The following HNF4G variants were observed in gnomAD, a reference collection of about 807,000 sequenced individuals.
HNF4G encodes hepatocyte nuclear factor 4 gamma.
Under a neutral mutation model 50.9 loss-of-function variants are expected in HNF4G, and 21 were observed. The ratio of observed to expected loss-of-function variants is 0.41; its 90% CI spans 0.29 to 0.59. HNF4G has a LOEUF of 0.59. HNF4G is among the 20% of genes least tolerant of loss of function. The probability of loss-of-function intolerance (pLI) is 0.26; values close to 1 mark genes in which losing one functional copy is unlikely to be tolerated. For synonymous variants in HNF4G, 198 were observed against 185.6 expected (o/e 1.07, Z -0.54); for missense variants, 527 against 559.4 (o/e 0.94, Z 0.58).
intron 1 of HNF4G, among the ~76,000 whole-genome samples, chr8:75,429,223 C>A (rs528912409): frequency 6.6e-6 from 1 of 152,248 alleles, no homozygotes; most frequent in African/African-American, 2.4e-5. Flanking sequence ...GATTTGTACA[C>A]CTAACATGTG....
chr8:75,408,179 TG>T (rs200564478), intron 1 of HNF4G: 2,887 of 152,062 alleles, frequency 0.019, 81 homozygotes, highest in African/African-American at 0.063. Flanking sequence ...CAGCGGGCAG[TG>T]GGGGGACCGG....
intron 1 of HNF4G, among the ~76,000 whole-genome samples, chr8:75,421,908 T>C (rs1810783238): frequency 6.6e-6 from 1 of 152,202 alleles, no homozygotes; most frequent in Non-Finnish European, 1.5e-5. Context: ...ATGCAGACCC[T>C]GGAAACTACT....
intron 1 of HNF4G, among the ~76,000 whole-genome samples, chr8:75,425,068 ATTTATTTAT>A (rs1810861383): frequency 8.5e-6 from 1 of 116,982 alleles, no homozygotes; most frequent in Non-Finnish European, 2.1e-5. Context: ...CAGCCTATTT[ATTTATTTAT>A]TTATTTATTT....
At chr8:75,529,626 C>A (rs1806276155) in intron 2 of HNF4G, among the ~76,000 whole-genome samples, 1 of 151,926 alleles carries the variant, frequency 6.6e-6, no homozygotes, top group Non-Finnish European at 1.5e-5. Context: ...GGACAATGAT[C>A]ATGTAAATGA....
intron 1 of HNF4G, among the ~76,000 whole-genome samples, chr8:75,411,001 C>A (rs1315017155): frequency 6.6e-6 from 1 of 152,064 alleles, no homozygotes; most frequent in Non-Finnish European, 1.5e-5. Context: ...AATTTATATG[C>A]CTTTTGCTTT....
At chr8:75,534,144 C>T (rs1306584996) in intron 2 of HNF4G, among the ~76,000 whole-genome samples, 1 of 151,940 alleles carries the variant, frequency 6.6e-6, no homozygotes, top group Non-Finnish European at 1.5e-5. Context: ...AATGCCACCA[C>T]AATCTTAAAT....
intron 2 of HNF4G, among the ~76,000 whole-genome samples, chr8:75,532,692 A>G (rs1457817856): frequency 2.6e-5 from 4 of 152,036 alleles, no homozygotes; most frequent in African/African-American, 7.2e-5. Context: ...TTTTCTTCCT[A>G]TTTAGACTAG....
intron 1 of HNF4G, among the ~76,000 whole-genome samples, chr8:75,473,083 G>A (rs565618348): frequency 3.9e-5 from 6 of 152,246 alleles, no homozygotes; most frequent in African/African-American, 1.2e-4. Flanking sequence ...GCCGAGGCGG[G>A]TGGATCACAA....
At position 75,566,789 on chromosome 8, in the gene HNF4G, TG is replaced by T. The variant is rs1395525142; in HGVS notation, c.*2694del. ...AAAGTATTACTAAACTGTGATGCTA[TG>T]TTTGTTTCACTAAACTTTCTAAATA... On this transcript the variant is annotated 3_prime_UTR_variant, in exon 10 of 10. Transcript: ENST00000396423. The T allele has an allele frequency of 6.6e-6, 1 of 150,478 alleles. No individual in the cohort carries two copies. The highest frequency in any genetic ancestry group is 2.5e-5 in the African/African-American group (1 of 40,392). 9.3% of individuals were successfully genotyped at this position (150,478 alleles called of 1,614,324 possible). A position where few individuals can be genotyped will look rare whatever the true frequency, so the allele number is the denominator to read the frequency against.
At chr8:75,494,139 T>C (rs1006831371) in intron 2 of HNF4G, among the ~76,000 whole-genome samples, 6 of 152,256 alleles carry the variant, frequency 3.9e-5, no homozygotes, top group Admixed American at 6.5e-5. Context: ...GAAATCAAAG[T>C]TGTCTAAAAC....
chr8:75,468,727 G>A (rs770927233), intron 1 of HNF4G, among the ~76,000 whole-genome samples: 1 of 151,896 alleles, frequency 6.6e-6, no homozygotes, highest in Non-Finnish European at 1.5e-5. Flanking sequence ...GTTTTCTAAT[G>A]CTAAAATTTT....
chr8:75,457,508 A>T (rs1811749999), intron 1 of HNF4G, among the ~76,000 whole-genome samples: 1 of 152,286 alleles, frequency 6.6e-6, no homozygotes, highest in Non-Finnish European at 1.5e-5. Context: ...AGCAAGTAAC[A>T]TGGTATCATA....
chr8:75,534,981 CAT>C (rs35856316), upstream of HNF4G, among the ~76,000 whole-genome samples: 55,415 of 151,128 alleles, frequency 0.37, 10,943 homozygotes, highest in African/African-American at 0.5. Context: ...AGAATTTTTA[CAT>C]GTTATAATAA....
intron 1 of HNF4G, among the ~76,000 whole-genome samples, chr8:75,443,209 T>A (rs1585847164): frequency 6.6e-6 from 1 of 152,172 alleles, no homozygotes; most frequent in East Asian, 1.9e-4. Context: ...GGTACTTTGA[T>A]CTTGGACTTC....
intron 2 of HNF4G, among the ~76,000 whole-genome samples, chr8:75,515,596 G>A (rs934854732): frequency 1.3e-5 from 2 of 152,136 alleles, no homozygotes; most frequent in African/African-American, 4.8e-5. Flanking sequence ...AGTGGTGTAA[G>A]GTCTGTTTGG....
chr8:75,533,020 G>A (rs1378539664), intron 2 of HNF4G, among the ~76,000 whole-genome samples: 1 of 151,850 alleles, frequency 6.6e-6, no homozygotes, highest in Admixed American at 6.6e-5. Context: ...CTCCATGAGG[G>A]CAGGGATTTT....
intron 1 of HNF4G, among the ~76,000 whole-genome samples, chr8:75,475,932 A>G (rs1344282926): frequency 2.6e-5 from 4 of 152,154 alleles, no homozygotes; most frequent in Non-Finnish European, 5.9e-5. Flanking sequence ...ATTTAAAATT[A>G]AATTTATTTT....
At chr8:75,536,409 A>G (rs541786994), upstream of HNF4G, among the ~76,000 whole-genome samples, 5 of 152,040 alleles carry the variant, frequency 3.3e-5, 1 homozygote, top group Middle Eastern at 0.017. Flanking sequence ...ATTTAAGGAT[A>G]ATTTTCTTCT....
intron 5 of HNF4G, 120 bp downstream of exon 5, chr8:75,553,317 T>A: frequency 2.5e-6 from 2 of 791,288 alleles, no homozygotes; most frequent in South Asian, 2.0e-5. Context: ...AAAAGATAAA[T>A]TAGGAGGAAG....
Sources: gnomAD v4.1 joint callset for allele counts (sites outside exome capture counted in the v4.1 genomes callset) on GRCh38, gnomAD v4.1.1 for gene constraint, MANE v1.5 for transcripts, NCBI Gene and HGNC (gene_info 2026-07-23, HGNC 2026-07-21) for gene names.